SWAP70: variants seen among roughly 807,000 people sequenced by gnomAD.
SWAP70 encodes switch-associated protein 70.
Under a neutral mutation model 80.2 loss-of-function variants are expected in SWAP70, and 34 were observed. The ratio of observed to expected loss-of-function variants is 0.42; its 90% CI spans 0.32 to 0.56. The LOEUF (loss-of-function observed/expected upper bound fraction) is 0.56. SWAP70 is among the 20% of genes least tolerant of loss of function. SWAP70 has a pLI of 0.09. For synonymous variants in SWAP70, 239 were observed against 238.5 expected (o/e 1.00, Z -0.02); for missense variants, 578 against 690.7 (o/e 0.84, Z 1.83).
At chr11:9,671,776 T>TATAAATATATAATATA (rs1565109918) in intron 1 of SWAP70, among the ~76,000 whole-genome samples, 15,373 of 28,182 alleles carry the variant, frequency 0.55, 2,526 homozygotes, top group Non-Finnish European at 0.6. Flanking sequence ...AATATAAATA[T>TATAAATATATAATATA]AATATATTAT....
At chr11:9,687,071 A>G (rs1850642586) in intron 1 of SWAP70, among the ~76,000 whole-genome samples, 1 of 152,138 alleles carries the variant, frequency 6.6e-6, no homozygotes, top group African/African-American at 2.4e-5. Context: ...CTTTTCCTAT[A>G]TTTTATTTGC....
Position 9,729,380 on chromosome 11 carries a change from T to C in SWAP70, c.827T>C (p.Leu276Pro), listed in dbSNP as rs1206500194. 6.2e-7 allele frequency: 1 copy of C among 1,613,968 alleles called. No homozygotes were observed. The highest frequency in any genetic ancestry group is 8.5e-7 in the Non-Finnish European group (1 of 1,179,936). Residue 276 changes from leucine (L) to proline (P), a missense_variant, in exon 6 of 12, where the codon CTC becomes CCC. Physicochemically the swap from Leu to Pro is moderately conservative, Grantham distance 98. Coordinates refer to ENST00000318950, the MANE Select transcript of SWAP70 (RefSeq NM_015055.4). ...PDKDGKKCLFLVKCFDKTFEI... is the reference protein window; with the variant it reads ...PDKDGKKCLFPVKCFDKTFEI... Reference sequence around the variant, plus strand: ...AAAGATGGAAAGAAATGCCTTTTTCTCGTAAAATGTTTTGATAAGACTTTT... The same window carrying C: ...AAAGATGGAAAGAAATGCCTTTTTCCCGTAAAATGTTTTGATAAGACTTTT...
rs187507383 is a variant in SWAP70 at position 9,689,559 on chromosome 11, A to G, written c.100-4587A>G. Reference sequence around the variant, plus strand: ...GGCCTTTGGAGGAACAGGCATTTGAAGCGGGATAAATTCAGCTTTTTCAAG... The same window carrying G: ...GGCCTTTGGAGGAACAGGCATTTGAGGCGGGATAAATTCAGCTTTTTCAAG... On this transcript the variant is annotated intron_variant, in intron 1 of 11. Coordinates refer to ENST00000318950, the MANE Select transcript of SWAP70 (RefSeq NM_015055.4). 2.4e-3 allele frequency among the ~76,000 whole-genome samples: 361 copies of G among 152,362 alleles called. 2 individuals carry two copies. Among genetic ancestry groups the G allele is most frequent in the African/African-American group, 8.5e-3 (354 of 41,590 alleles).
intron 7 of SWAP70, among the ~76,000 whole-genome samples, chr11:9,733,406 C>T (rs1160667710): frequency 1.3e-5 from 2 of 152,144 alleles, no homozygotes; most frequent in Non-Finnish European, 2.9e-5. Context: ...AAAAACTTTG[C>T]TCTGGGATAT....
chr11:9,721,428 C>A (rs1336591178), intron 3 of SWAP70, among the ~76,000 whole-genome samples: 2 of 151,070 alleles, frequency 1.3e-5, no homozygotes, highest in East Asian at 3.9e-4. Flanking sequence ...AGCATCTCAT[C>A]AAATTAAATC....
chr11:9,673,205 T>C (rs1033274927), intron 1 of SWAP70, among the ~76,000 whole-genome samples: 16 of 152,242 alleles, frequency 1.1e-4, no homozygotes, highest in African/African-American at 3.9e-4. Context: ...CTCTGGAACT[T>C]CTGATGGACC....
In SWAP70 at chr11:9,724,802, T is replaced by G; in HGVS notation, c.559T>G (p.Phe187Val). 2 of 1,614,124 alleles carry G rather than the reference T, an allele frequency of 1.2e-6. No homozygotes were observed. The highest frequency in any genetic ancestry group is 1.7e-6 in the Non-Finnish European group (2 of 1,179,996). The change falls in exon 4 of 12, where the codon TTT (phenylalanine) becomes GTT (valine). Residue 187 changes from phenylalanine to valine, a missense_variant. Coordinates refer to ENST00000318950, the MANE Select transcript of SWAP70 (RefSeq NM_015055.4). ...TATTGAGCTTATTGGAAATGGACAG[T>G]TTAGCAAAGGCATGGACCGGCAGAC... ...ELIELIGNGQ[F>V]SKGMDRQTVS...
intron 2 of SWAP70, among the ~76,000 whole-genome samples, chr11:9,703,675 A>T (rs923018574): frequency 4.6e-5 from 7 of 151,978 alleles, no homozygotes; most frequent in African/African-American, 1.7e-4. Context: ...CCCTCTCCAG[A>T]CTCTGAGTTC....
At position 9,751,405 on chromosome 11, in the gene SWAP70, A is replaced by G. The variant is rs1455879462; in HGVS notation, c.*1435A>G. The G allele has an allele frequency of 6.6e-6, 1 of 152,264 alleles. No individual in the cohort carries two copies. Among genetic ancestry groups the G allele is most frequent in the Non-Finnish European group, 1.5e-5 (1 of 68,048 alleles). 9.4% of individuals were successfully genotyped at this position (152,264 alleles called of 1,614,324 possible). On this transcript the variant is annotated 3_prime_UTR_variant, in exon 12 of 12. Transcript: ENST00000318950. ...GATTAAAAAGAACATTTATGAAATC[A>G]AGCCTTCTAACACTAGTTATAATTG...
chr11:9,728,278 C>A, intron 5 of SWAP70, 79 bp downstream of exon 5: 1 of 1,351,274 alleles, frequency 7.4e-7, no homozygotes, highest in Non-Finnish European at 9.8e-7. Context: ...CTTCTTCCAC[C>A]TAGACTCTAG....
intron 3 of SWAP70, among the ~76,000 whole-genome samples, chr11:9,715,124 A>G (rs1335998190): frequency 6.6e-6 from 1 of 151,664 alleles, no homozygotes. Flanking sequence ...ACAGGTGTAC[A>G]TCACCACACT....
At chr11:9,746,412 T>C (rs900368418) in intron 9 of SWAP70, among the ~76,000 whole-genome samples, 6 of 152,234 alleles carry the variant, frequency 3.9e-5, no homozygotes, top group Admixed American at 6.5e-5. Context: ...TTCATTCTTA[T>C]ATCCCCAGTG....
intron 1 of SWAP70, among the ~76,000 whole-genome samples, chr11:9,666,406 T>G (rs1850307660): frequency 6.6e-6 from 1 of 151,868 alleles, no homozygotes; most frequent in Non-Finnish European, 1.5e-5. Flanking sequence ...TTTAATAGAG[T>G]TTTTTACTAT....
chr11:9,713,064 C>G (rs1368767960), intron 2 of SWAP70, among the ~76,000 whole-genome samples: 1 of 152,190 alleles, frequency 6.6e-6, no homozygotes, highest in Non-Finnish European at 1.5e-5. Flanking sequence ...TTGACATTCT[C>G]AGTTTCTTCC....
At chr11:9,680,069 T>G (rs1387669996) in intron 1 of SWAP70, among the ~76,000 whole-genome samples, 3 of 152,244 alleles carry the variant, frequency 2.0e-5, no homozygotes, top group Non-Finnish European at 4.4e-5. Flanking sequence ...TGAAGAAAAC[T>G]AATGTATAAA....
At chr11:9,673,074 TC>T (rs1178393043) in intron 1 of SWAP70, among the ~76,000 whole-genome samples, 2 of 152,200 alleles carry the variant, frequency 1.3e-5, no homozygotes, top group East Asian at 3.9e-4. Context: ...ATCCTCCAGT[TC>T]AATTCCAACA....
At chr11:9,745,939 C>T (rs1851506523) in intron 9 of SWAP70, among the ~76,000 whole-genome samples, 1 of 152,204 alleles carries the variant, frequency 6.6e-6, no homozygotes, top group African/African-American at 2.4e-5. Context: ...AGGCAGGAAT[C>T]ACAGGGGGAT....
intron 1 of SWAP70, among the ~76,000 whole-genome samples, chr11:9,665,347 C>A (rs919671633): frequency 6.6e-6 from 1 of 152,144 alleles, no homozygotes; most frequent in Non-Finnish European, 1.5e-5. Flanking sequence ...CTGATAGAAT[C>A]ATAGTCTGGA....
intron 7 of SWAP70, among the ~76,000 whole-genome samples, chr11:9,736,879 C>T (rs1851369940): frequency 6.6e-6 from 1 of 151,420 alleles, no homozygotes; most frequent in Non-Finnish European, 1.5e-5. Context: ...TACATGAGAA[C>T]TCTTCTTAGC....
Sources: gnomAD v4.1 joint callset for allele counts (sites outside exome capture counted in the v4.1 genomes callset) on GRCh38, gnomAD v4.1.1 for gene constraint, MANE v1.5 for transcripts, NCBI Gene and HGNC (gene_info 2026-07-23, HGNC 2026-07-21) for gene names.